The following MICU3 variants were observed in gnomAD, a reference collection of about 807,000 sequenced individuals.
The protein encoded by MICU3 is mitochondrial calcium uptake 3, also known as calcium uptake protein 3, mitochondrial.
A neutral mutation model predicts 66.5 loss-of-function variants in MICU3; 62 were observed. That is an observed-to-expected ratio of 0.93 (90% CI 0.76 to 1.15). MICU3 has a LOEUF of 1.15. MICU3 is among the 50% of genes most tolerant of loss of function. The pLI is 0.00. For synonymous variants in MICU3, 308 were observed against 240.7 expected, an observed-to-expected ratio of 1.28 and a Z score of -2.59; for missense variants, 779 against 664.4, an observed-to-expected ratio of 1.17 and a Z score of -1.90.
chr8:17,039,820 G>T (rs978578467), intron 1 of MICU3, among the ~76,000 whole-genome samples: 1 of 147,768 alleles, frequency 6.8e-6, no homozygotes, highest in South Asian at 2.2e-4. Context: ...TTATGGCTCA[G>T]TGTAATATTT....
chr8:17,045,636 C>T (rs1814950811), intron 1 of MICU3, among the ~76,000 whole-genome samples: 1 of 152,170 alleles, frequency 6.6e-6, no homozygotes, highest in Admixed American at 6.5e-5. Flanking sequence ...AAGCTGCATG[C>T]CCCTTTCCCC....
At chr8:17,041,770 C>G (rs936730739) in intron 1 of MICU3, among the ~76,000 whole-genome samples, 5 of 152,108 alleles carry the variant, frequency 3.3e-5, no homozygotes, top group Admixed American at 2.6e-4. Flanking sequence ...GATGCTGTTT[C>G]CATTATGACA....
chr8:17,038,306 A>G (rs554951623), intron 1 of MICU3, among the ~76,000 whole-genome samples: 14 of 152,230 alleles, frequency 9.2e-5, no homozygotes, highest in South Asian at 2.1e-4. Flanking sequence ...GGTTTTTCCC[A>G]TGCTGTTGTC....
chr8:17,031,993 TTA>T (rs1216161779), intron 1 of MICU3, among the ~76,000 whole-genome samples: 1 of 152,246 alleles, frequency 6.6e-6, no homozygotes. Context: ...TTTGTCACAT[TTA>T]TGTCTTCATT....
chr8:17,103,506 G>A (rs1298605824), intron 9 of MICU3, among the ~76,000 whole-genome samples: 1 of 151,702 alleles, frequency 6.6e-6, no homozygotes, highest in Non-Finnish European at 1.5e-5. Flanking sequence ...TGATGTGTAG[G>A]AGAGTTATAG....
In MICU3 at chr8:17,027,508, CT is replaced by C. The variant is rs1811196410; in HGVS notation, c.230del (p.Leu77ArgfsTer62). ...LSVAAAAGGG[L>X]VGLVCYQLYG... Reference sequence around the variant, plus strand: ...CGTGGCGGCGGCGGCCGGCGGGGGGCTGGTCGGCCTGGTATGCTACCAGCTG... The same window carrying C: ...CGTGGCGGCGGCGGCCGGCGGGGGGCGGTCGGCCTGGTATGCTACCAGCTG... On this transcript the variant is annotated frameshift_variant, in exon 1 of 15. Coordinates refer to ENST00000318063, the MANE Select transcript of MICU3 (RefSeq NM_181723.3). LOFTEE classifies it high-confidence loss of function. 2 of 1,282,818 alleles carry C rather than the reference CT, an allele frequency of 1.6e-6. No homozygotes were observed. Among genetic ancestry groups the C allele is most frequent in the South Asian group, 5.4e-5 (2 of 36,946 alleles). The allele number at this position is 1,282,818 out of a possible 1,614,324, so 79.5% of individuals were successfully genotyped here.
At chr8:17,087,454 G>A (rs1332688924) in intron 7 of MICU3, among the ~76,000 whole-genome samples, 1 of 151,940 alleles carries the variant, frequency 6.6e-6, no homozygotes, top group Non-Finnish European at 1.5e-5. Context: ...TGCATTCTTA[G>A]ATGTATATAT....
chr8:17,109,471 A>G (rs944824385), intron 11 of MICU3, among the ~76,000 whole-genome samples: 1 of 152,156 alleles, frequency 6.6e-6, no homozygotes, highest in Admixed American at 6.6e-5. Flanking sequence ...TGATATATCT[A>G]TAGAATAGAA....
intron 4 of MICU3, among the ~76,000 whole-genome samples, chr8:17,080,658 C>T (rs1821046766): frequency 6.6e-6 from 1 of 152,118 alleles, no homozygotes. Flanking sequence ...TCAACCAGAA[C>T]TATCTGTCTA....
intron 8 of MICU3, among the ~76,000 whole-genome samples, chr8:17,096,602 G>T (rs1337228964): frequency 2.6e-5 from 4 of 151,780 alleles, no homozygotes; most frequent in African/African-American, 9.7e-5. Context: ...TTATTTAAAA[G>T]ATGATGTAAG....
the MICU3 span, among the ~76,000 whole-genome samples, chr8:17,137,010 T>A: frequency 6.6e-6 from 1 of 151,952 alleles, no homozygotes; most frequent in African/African-American, 2.4e-5. Context: ...AATTTTTGTA[T>A]TTTTAGTAGA....
rs188111482 is a variant in MICU3 at position 17,039,030 on chromosome 8, A to T, written c.381+11370A>T. On this transcript the variant is annotated intron_variant, in intron 1 of 14. Transcript: ENST00000318063. ...ACAGCCACCTCAAATTTCAGCAACC[A>T]CCACTCTGATCAGTTAGTAGCCATC... Among the ~76,000 whole-genome samples the T allele has an allele frequency of 3.9e-5, 6 of 152,080 alleles. No individual in the cohort carries two copies. The East Asian group carries it at 9.7e-4, about 24-fold the overall frequency.
At chr8:17,128,744 T>C in the MICU3 span, among the ~76,000 whole-genome samples, 2 of 151,958 alleles carry the variant, frequency 1.3e-5, no homozygotes, top group Non-Finnish European at 2.9e-5. Flanking sequence ...ACAGCAGAAG[T>C]AAGTGGAGCC....
At chr8:17,119,235 A>C (rs1415896945) in intron 14 of MICU3, among the ~76,000 whole-genome samples, 1 of 152,196 alleles carries the variant, frequency 6.6e-6, no homozygotes, top group African/African-American at 2.4e-5. Flanking sequence ...GGAAAACCAG[A>C]ATTTAAGCTT....
chr8:17,047,943 T>C (rs1401386771), intron 1 of MICU3, among the ~76,000 whole-genome samples: 1 of 152,170 alleles, frequency 6.6e-6, no homozygotes, highest in Non-Finnish European at 1.5e-5. Context: ...ACAATTATTA[T>C]TATTTTAAAA....
intron 1 of MICU3, among the ~76,000 whole-genome samples, chr8:17,057,361 C>T (rs780089123): frequency 2.6e-5 from 4 of 152,264 alleles, no homozygotes; most frequent in Non-Finnish European, 5.9e-5. Context: ...GTTCCCAGAA[C>T]ATAACAGGCG....
At chr8:17,130,958 A>G in the MICU3 span, among the ~76,000 whole-genome samples, 1 of 152,186 alleles carries the variant, frequency 6.6e-6, no homozygotes, top group Non-Finnish European at 1.5e-5. Context: ...AAAGACATGG[A>G]TAGAGTACAT....
intron 8 of MICU3, among the ~76,000 whole-genome samples, chr8:17,094,977 C>G (rs1488413782): frequency 1.3e-5 from 2 of 151,950 alleles, no homozygotes; most frequent in African/African-American, 4.8e-5. Flanking sequence ...TTCATTAATT[C>G]TACTAGAGAT....
At chr8:17,067,285 C>T (rs186234866) in intron 2 of MICU3, among the ~76,000 whole-genome samples, 1 of 151,136 alleles carries the variant, frequency 6.6e-6, no homozygotes, top group East Asian at 1.9e-4. Context: ...GTTATTTAAT[C>T]TTCTGTTTCC....
Sources: allele counts gnomAD v4.1 joint callset (sites outside exome capture counted in the v4.1 genomes callset), GRCh38; gene constraint gnomAD v4.1.1; transcripts MANE v1.5; gene names NCBI Gene and HGNC (gene_info 2026-07-23, HGNC 2026-07-21).